The following KCNN2 variants were observed in gnomAD, a reference collection of about 807,000 sequenced individuals.
KCNN2 encodes potassium calcium-activated channel subfamily N member 2, also known as small conductance calcium-activated potassium channel protein 2.
A neutral mutation model predicts 55.5 loss-of-function variants in KCNN2; 24 were observed. That is an observed-to-expected ratio of 0.43 (90% CI 0.31 to 0.61). The LOEUF is 0.61. Ranked by LOEUF, KCNN2 falls within the 20% of genes least tolerant of loss-of-function variation. KCNN2 has a pLI of 0.08. For missense variants in KCNN2, 754 were observed against 853.6 expected (o/e 0.88, Z 1.45); for synonymous variants, 431 against 336.1 (o/e 1.28, Z -3.09).
chr5:114,166,168 C>T (rs907885607), intron 1 of KCNN2, among the ~76,000 whole-genome samples: 10 of 152,062 alleles, frequency 6.6e-5, no homozygotes, highest in Non-Finnish European at 1.5e-4. Context: ...GCTTATCAAA[C>T]TTAATTCTAT....
chr5:114,391,526 C>T (rs926951508), intron 2 of KCNN2, among the ~76,000 whole-genome samples: 2 of 152,008 alleles, frequency 1.3e-5, no homozygotes, highest in Non-Finnish European at 2.9e-5. Context: ...TCCTGTGAGT[C>T]ACACTACCAG....
At chr5:114,225,849 A>G (rs1332310436) in intron 2 of KCNN2, among the ~76,000 whole-genome samples, 2 of 152,210 alleles carry the variant, frequency 1.3e-5, no homozygotes, top group African/African-American at 4.8e-5. Context: ...AACATGCCAA[A>G]ATTCAGAAAG....
intron 1 of KCNN2, among the ~76,000 whole-genome samples, chr5:114,206,412 T>A (rs1753777153): frequency 6.6e-6 from 1 of 152,136 alleles, no homozygotes; most frequent in Non-Finnish European, 1.5e-5. Flanking sequence ...CAGCAGAAGC[T>A]CCTGAATCCA....
At chr5:114,316,425 T>G (rs1032055630) in intron 2 of KCNN2, among the ~76,000 whole-genome samples, 7 of 152,132 alleles carry the variant, frequency 4.6e-5, no homozygotes, top group Admixed American at 1.3e-4. Context: ...ACCGCTAGAC[T>G]AGCTTAACGC....
chr5:114,131,053 C>T (rs372684818), intron 1 of KCNN2, among the ~76,000 whole-genome samples: 5 of 152,064 alleles, frequency 3.3e-5, no homozygotes, highest in South Asian at 2.1e-4. Context: ...ATCCTGACAG[C>T]GTTCTTTTTT....
At chr5:114,378,630 G>A (rs1758012964) in intron 2 of KCNN2, among the ~76,000 whole-genome samples, 1 of 152,152 alleles carries the variant, frequency 6.6e-6, no homozygotes, top group Non-Finnish European at 1.5e-5. Context: ...AAGTGAAATG[G>A]CTGTAGTTGA....
At chr5:114,319,792 T>A (rs1756577740) in intron 2 of KCNN2, among the ~76,000 whole-genome samples, 1 of 152,202 alleles carries the variant, frequency 6.6e-6, no homozygotes, top group Admixed American at 6.5e-5. Flanking sequence ...TTTATTAAGG[T>A]AAGTTCAAAT....
rs184613268 is a variant in KCNN2 at position 114,377,730 on chromosome 5, G to C, written c.1218+13729G>C. 3.7e-3 allele frequency among the ~76,000 whole-genome samples: 563 copies of C among 152,254 alleles called. 3 individuals are homozygous for C. Among genetic ancestry groups the C allele is most frequent in the African/African-American group, 0.013 (527 of 41,522 alleles). On this transcript the variant is annotated intron_variant, in intron 2 of 7. Transcript: ENST00000673685. ...GAACTCAGTTTTACTCTGTGTGACC[G>C]TAAGAAGACAGTATTACCCCTCCCA...
chr5:114,329,510 G>GT (rs1756770281), intron 2 of KCNN2, among the ~76,000 whole-genome samples: 1 of 152,132 alleles, frequency 6.6e-6, no homozygotes, highest in African/African-American at 2.4e-5. Context: ...AAATTCTTCA[G>GT]CTTTTGGACT....
At chr5:114,391,223 A>G (rs1264770144) in intron 2 of KCNN2, among the ~76,000 whole-genome samples, 2 of 151,958 alleles carry the variant, frequency 1.3e-5, no homozygotes, top group Non-Finnish European at 2.9e-5. Context: ...TCCATGGCTA[A>G]TTTTCCCATC....
chr5:114,347,859 C>G (rs1395877422), intron 2 of KCNN2, among the ~76,000 whole-genome samples: 16 of 152,210 alleles, frequency 1.1e-4, no homozygotes, highest in Non-Finnish European at 1.5e-5. Flanking sequence ...AGGTAACCAT[C>G]CATGAGACAA....
chr5:114,268,209 A>G (rs1031273099), intron 2 of KCNN2, among the ~76,000 whole-genome samples: 9 of 152,198 alleles, frequency 5.9e-5, no homozygotes, highest in African/African-American at 2.2e-4. Flanking sequence ...GTCCAGTCCA[A>G]TGCACCAACT....
At position 114,294,153 on chromosome 5, in the gene KCNN2, G is replaced by T. The variant is rs1306450085; in HGVS notation, c.-184-66792G>T. Among the ~76,000 whole-genome samples, 5 of 152,026 alleles carry T rather than the reference G, an allele frequency of 3.3e-5. 1 individual carries two copies. Among genetic ancestry groups the T allele is most frequent in the Non-Finnish European group, 4.4e-5 (3 of 67,996 alleles). ...CTTTTCAAAAAAACAGCTCCTGGAT[G>T]CATTAATTTTTTGAAGGGTTTTTTG... On this transcript the variant is annotated intron_variant, in intron 2 of 10. Coordinates refer to the KCNN2 transcript ENST00000512097.
At chr5:114,211,725 TA>T (rs1435193370) in intron 1 of KCNN2, among the ~76,000 whole-genome samples, 4 of 152,062 alleles carry the variant, frequency 2.6e-5, no homozygotes, top group Non-Finnish European at 5.9e-5. Flanking sequence ...GATGTTACAG[TA>T]ATTGACACAT....
chr5:114,170,114 G>A (rs1753002231), intron 1 of KCNN2, among the ~76,000 whole-genome samples: 2 of 151,990 alleles, frequency 1.3e-5, no homozygotes, highest in Admixed American at 1.3e-4. Context: ...ACTGTTGCTA[G>A]GAATAACCTC....
chr5:114,212,861 A>G (rs1171463128), intron 1 of KCNN2, among the ~76,000 whole-genome samples: 1 of 152,082 alleles, frequency 6.6e-6, no homozygotes, highest in East Asian at 1.9e-4. Context: ...TTCAGCCTCA[A>G]AACTTTTCTG....
At chr5:114,399,657 A>G (rs1758722791) in intron 2 of KCNN2, among the ~76,000 whole-genome samples, 1 of 152,186 alleles carries the variant, frequency 6.6e-6, no homozygotes, top group Non-Finnish European at 1.5e-5. Context: ...CTTTTGGAAT[A>G]GCTTCAGTAG....
At chr5:114,352,905 T>C (rs1457021437) in intron 2 of KCNN2, among the ~76,000 whole-genome samples, 2 of 151,886 alleles carry the variant, frequency 1.3e-5, no homozygotes, top group Non-Finnish European at 2.9e-5. Context: ...TGAGGTACAG[T>C]TGGTTTATAC....
At chr5:114,286,919 C>A (rs1002094173) in intron 2 of KCNN2, among the ~76,000 whole-genome samples, 3 of 152,120 alleles carry the variant, frequency 2.0e-5, no homozygotes. Context: ...AGAAATAGAT[C>A]CAGCAATTAT....
Sources: gnomAD v4.1 joint callset for allele counts (sites outside exome capture counted in the v4.1 genomes callset) on GRCh38, gnomAD v4.1.1 for gene constraint, MANE v1.5 for transcripts, NCBI Gene and HGNC (gene_info 2026-07-23, HGNC 2026-07-21) for gene names.